FOLR1: variants seen among roughly 807,000 people sequenced by gnomAD.
FOLR1 encodes KB cells FBP.
A neutral mutation model predicts 22.8 loss-of-function variants in FOLR1; 11 were observed. The ratio of observed to expected loss-of-function variants is 0.48; its 90% CI spans 0.30 to 0.80. The LOEUF is 0.80. FOLR1 is among the 30% of genes least tolerant of loss of function. The pLI is 0.06. For synonymous variants in FOLR1, 108 were observed against 116.5 expected (o/e 0.93, Z 0.47); for missense variants, 273 against 320.3 (o/e 0.85, Z 1.13).
intron 1 of FOLR1, among the ~76,000 whole-genome samples, chr11:72,193,718 C>T (rs1351555976): frequency 6.6e-6 from 1 of 151,798 alleles, no homozygotes; most frequent in African/African-American, 2.4e-5. Flanking sequence ...TCTTGGCCTC[C>T]CAAAGTGCTG....
intron 1 of FOLR1, 52 bp downstream of exon 1, chr11:72,192,393 A>G (rs754392058): frequency 6.2e-7 from 1 of 1,603,226 alleles, no homozygotes; most frequent in Non-Finnish European, 8.5e-7. Flanking sequence ...GGAAGAGGAA[A>G]CGAGGACATG....
chr11:72,195,698 C>CTCCT lies in FOLR1; in HGVS notation c.445_448dup (p.Tyr150PhefsTer19). On this transcript the variant is annotated frameshift_variant, in exon 3 of 4. Coordinates refer to ENST00000393676, the MANE Select transcript of FOLR1 (RefSeq NM_016729.3). LOFTEE classifies it low-confidence loss of function (END_TRUNC). ...AGCAATGGTGGGAAGATTGTCGCACCTCCTACACCTGCAAGAGCAACTGGC... is the reference window on the plus strand; with the variant it reads ...AGCAATGGTGGGAAGATTGTCGCACCTCCTTCCTACACCTGCAAGAGCAACTGGC... The CTCCT allele has an allele frequency of 6.2e-7, 1 of 1,614,210 alleles. No individual in the cohort carries two copies. Among genetic ancestry groups the CTCCT allele is most frequent in the Non-Finnish European group, 8.5e-7 (1 of 1,180,030 alleles).
At chr11:72,190,045 T>C (rs976148919), upstream of FOLR1, among the ~76,000 whole-genome samples, 1 of 152,084 alleles carries the variant, frequency 6.6e-6, no homozygotes, top group Non-Finnish European at 1.5e-5. Flanking sequence ...TCATGATTGT[T>C]GGTGGGGAGG....
intron 3 of FOLR1, 23 bp downstream of exon 3, chr11:72,195,770 A>T: frequency 6.2e-7 from 1 of 1,614,194 alleles, no homozygotes; most frequent in Non-Finnish European, 8.5e-7. Context: ...GTGGGCAGGA[A>T]TGGAGGGATT....
At chr11:72,195,078 G>A (rs754627695) in intron 1 of FOLR1, among the ~76,000 whole-genome samples, 193 bp from the exon 2 acceptor site, 1 of 152,194 alleles carries the variant, frequency 6.6e-6, no homozygotes, top group Non-Finnish European at 1.5e-5. Flanking sequence ...ACTCCAGCAG[G>A]AGCTCCCTTT....
At chr11:72,192,121 C>T, upstream of FOLR1, 2 of 1,608,958 alleles carry the variant, frequency 1.2e-6, no homozygotes, top group Non-Finnish European at 1.7e-6. Context: ...CTTAAGGCCC[C>T]ACCTCCGCAT....
At chr11:72,194,842 A>G (rs535545023) in intron 1 of FOLR1, among the ~76,000 whole-genome samples, 1 of 152,298 alleles carries the variant, frequency 6.6e-6, no homozygotes, top group African/African-American at 2.4e-5. Flanking sequence ...GCCTGGGGTT[A>G]CAATTTAAAT....
chr11:72,193,531 C>T (rs1392607182), intron 1 of FOLR1, among the ~76,000 whole-genome samples: 2 of 151,596 alleles, frequency 1.3e-5, no homozygotes, highest in African/African-American at 4.8e-5. Flanking sequence ...ACTGCAACCT[C>T]CACCTCCCAG....
In FOLR1 at chr11:72,195,307, A is replaced by G. The variant is rs780742785; in HGVS notation, c.205A>G (p.Asn69Asp). 6.2e-7 allele frequency: 1 copy of G among 1,614,042 alleles called. No individual in the cohort carries two copies. The highest frequency in any genetic ancestry group is 8.5e-7 in the Non-Finnish European group (1 of 1,180,038). The change falls in exon 2 of 4, where the codon AAC becomes GAC. Residue 69 changes from asparagine (N) to aspartate (D), a missense_variant. Physicochemically the swap from Asn to Asp is conservative, Grantham distance 23. Coordinates refer to ENST00000393676, the MANE Select transcript of FOLR1 (RefSeq NM_016729.3). ...GAGGAAGAATGCCTGCTGTTCTACC[A>G]ACACCAGCCAGGAAGCCCATAAGGA... ...PWRKNACCST[N>D]TSQEAHKDVS...
chr11:72,191,963 T>A (rs1047296779), upstream of FOLR1: 8 of 582,920 alleles, frequency 1.4e-5, no homozygotes, highest in Admixed American at 2.4e-4. Flanking sequence ...CGTGACCACC[T>A]GGAGAAGGCA....
upstream of FOLR1, among the ~76,000 whole-genome samples, chr11:72,191,099 GA>G (rs1354067088): frequency 6.6e-6 from 1 of 152,194 alleles, no homozygotes; most frequent in Non-Finnish European, 1.5e-5. Flanking sequence ...TCAAAGGATT[GA>G]AGTTCTGTGA....
chr11:72,192,037 A>T (rs1350408366), upstream of FOLR1: 2 of 908,048 alleles, frequency 2.2e-6, no homozygotes, highest in Non-Finnish European at 3.5e-6. Flanking sequence ...GGGAAAACTG[A>T]GGGAGATGGG....
chr11:72,193,377 A>G (rs995585981), intron 1 of FOLR1, among the ~76,000 whole-genome samples: 2 of 145,666 alleles, frequency 1.4e-5, no homozygotes, highest in African/African-American at 2.5e-5. Flanking sequence ...GAAGGGGAGG[A>G]AGGAAAGGGA....
intron 3 of FOLR1, 33 bp downstream of exon 3, chr11:72,195,780 T>A: frequency 6.2e-7 from 1 of 1,614,106 alleles, no homozygotes; most frequent in East Asian, 2.2e-5. Context: ...ATGGAGGGAT[T>A]TGGAAGTGGA....
At chr11:72,192,814 C>A (rs965145629) in intron 1 of FOLR1, among the ~76,000 whole-genome samples, 1 of 151,544 alleles carries the variant, frequency 6.6e-6, no homozygotes, top group Non-Finnish European at 1.5e-5. Context: ...CCAGGCTGGT[C>A]TCAAATTCCT....
At chr11:72,191,929 C>T, upstream of FOLR1, 4 of 526,460 alleles carry the variant, frequency 7.6e-6, no homozygotes, top group South Asian at 6.2e-5. Flanking sequence ...CCAAATCCAT[C>T]CTTGAATTAT....
chr11:72,195,555 GGCTGAGTT>G (rs1206169121), intron 2 of FOLR1, 49 bp from the exon 3 acceptor site: 7 of 1,613,582 alleles, frequency 4.3e-6, no homozygotes, highest in Admixed American at 1.7e-5. Context: ...TTCTATTCGG[GGCTGAGTT>G]GCTGGGATTC....
intron 1 of FOLR1, among the ~76,000 whole-genome samples, chr11:72,192,617 C>T (rs7939650): frequency 1.3e-5 from 2 of 152,118 alleles, no homozygotes; most frequent in African/African-American, 4.8e-5. Context: ...CCTGGGGTTG[C>T]TTGATTTAGG....
chr11:72,193,755 C>T (rs564101590), intron 1 of FOLR1, among the ~76,000 whole-genome samples: 86 of 150,230 alleles, frequency 5.7e-4, no homozygotes, highest in African/African-American at 1.9e-3. Flanking sequence ...CCACTGCGCC[C>T]GGCCTTAAGT....
Sources: gnomAD v4.1 joint callset for allele counts (sites outside exome capture counted in the v4.1 genomes callset) on GRCh38, gnomAD v4.1.1 for gene constraint, MANE v1.5 for transcripts, NCBI Gene and HGNC (gene_info 2026-07-23, HGNC 2026-07-21) for gene names.